Variants in LMBR1 observed in about 807,000 individuals in gnomAD.
LMBR1 encodes limb development membrane protein 1, also known as limb region 1 protein homolog.
A neutral mutation model predicts 73.9 loss-of-function variants in LMBR1; 52 were observed. The observed-to-expected ratio is 0.70, with a 90% CI of 0.56 to 0.89. The LOEUF is 0.89. Ranked by LOEUF, LMBR1 falls within the 40% of genes least tolerant of loss-of-function variation. The probability of loss-of-function intolerance (pLI) is 0.00; values close to 1 mark genes in which losing one functional copy is unlikely to be tolerated. For synonymous variants in LMBR1, 215 were observed against 209.4 expected (o/e 1.03, Z -0.23); for missense variants, 539 against 579.8 (o/e 0.93, Z 0.72).
intron 10 of LMBR1, among the ~76,000 whole-genome samples, chr7:156,729,490 T>C (rs960267018): frequency 7.9e-5 from 12 of 150,978 alleles, no homozygotes; most frequent in African/African-American, 2.7e-4. Context: ...TTTTTTTTTT[T>C]TGAGATGGAG....
At chr7:156,791,739 T>C (rs1829267603) in intron 5 of LMBR1, among the ~76,000 whole-genome samples, 1 of 152,220 alleles carries the variant, frequency 6.6e-6, no homozygotes, top group Non-Finnish European at 1.5e-5. Flanking sequence ...GTTATAGGAG[T>C]TAACCTCTTA....
chr7:156,763,068 C>T (rs372761711), intron 7 of LMBR1, 40 bp downstream of exon 7: 9 of 1,027,570 alleles, frequency 8.8e-6, no homozygotes, highest in Non-Finnish European at 1.3e-5. Context: ...ATAAGGACAA[C>T]TCTACTTTTC....
intron 4 of LMBR1, among the ~76,000 whole-genome samples, chr7:156,802,584 T>A (rs113961889): frequency 0.032 from 4,845 of 152,216 alleles, 125 homozygotes; most frequent in South Asian, 0.085. Flanking sequence ...CATATACAAA[T>A]ATAAGAAATA....
At chr7:156,675,940 G>A, downstream of LMBR1, 5 of 1,430,432 alleles carry the variant, frequency 3.5e-6, no homozygotes, top group Non-Finnish European at 4.8e-6. Flanking sequence ...CATGTGGGGG[G>A]AGGTCGAGGA....
intron 5 of LMBR1, among the ~76,000 whole-genome samples, chr7:156,770,985 G>GA (rs769374503): frequency 6.6e-6 from 1 of 151,578 alleles, no homozygotes; most frequent in South Asian, 2.1e-4. Flanking sequence ...AAAAAAGTAG[G>GA]AAAAAATAAA....
At chr7:156,689,746 C>T (rs1013773813) in intron 15 of LMBR1, among the ~76,000 whole-genome samples, 36 of 152,182 alleles carry the variant, frequency 2.4e-4, no homozygotes, top group African/African-American at 8.4e-4. Context: ...ATATGTCACA[C>T]ATGGTTATGA....
At chr7:156,864,162 T>TA (rs1798124177) in intron 1 of LMBR1, among the ~76,000 whole-genome samples, 1 of 121,428 alleles carries the variant, frequency 8.2e-6, no homozygotes, top group African/African-American at 2.6e-5. Flanking sequence ...ACAAAAAAAA[T>TA]AAAAAATAAA....
At position 156,822,076 on chromosome 7, in the gene LMBR1, C is replaced by T. The variant is rs1403533572; in HGVS notation, c.319+4529G>A. 3.3e-5 allele frequency among the ~76,000 whole-genome samples: 5 copies of T among 152,274 alleles called. No individual in the cohort carries two copies. In the South Asian group the frequency reaches 6.2e-4, roughly 19 times the overall value. On this transcript the variant is annotated intron_variant, in intron 4 of 16. Coordinates refer to ENST00000353442, the MANE Select transcript of LMBR1 (RefSeq NM_022458.4). ...GTCCCATATTGCACAAAATACATGC[C>T]TTTGCTTACGAAAACCTTCATAAAA...
intron 8 of LMBR1, among the ~76,000 whole-genome samples, chr7:156,761,142 A>G (rs1264514017): frequency 6.6e-6 from 1 of 152,252 alleles, no homozygotes; most frequent in Non-Finnish European, 1.5e-5. Context: ...CTAGAGTGAC[A>G]GTAAACACAG....
chr7:156,729,975 T>C (rs905815504), intron 10 of LMBR1, among the ~76,000 whole-genome samples: 1 of 152,226 alleles, frequency 6.6e-6, no homozygotes, highest in Non-Finnish European at 1.5e-5. Context: ...TGAAGTAAAC[T>C]GAGCTAAGAC....
intron 5 of LMBR1, among the ~76,000 whole-genome samples, chr7:156,786,469 T>G (rs1011415398): frequency 6.6e-6 from 1 of 152,184 alleles, no homozygotes; most frequent in African/African-American, 2.4e-5. Context: ...GAAAATAACT[T>G]AGATTTTCTC....
chr7:156,891,619 A>AT (rs1402909656), intron 1 of LMBR1, among the ~76,000 whole-genome samples: 3 of 152,014 alleles, frequency 2.0e-5, no homozygotes, highest in African/African-American at 4.8e-5. Flanking sequence ...TTATTTATTT[A>AT]TTTTTTTATA....
At chr7:156,825,824 G>A (rs754764287) in intron 4 of LMBR1, among the ~76,000 whole-genome samples, 3 of 152,138 alleles carry the variant, frequency 2.0e-5, no homozygotes, top group Middle Eastern at 3.2e-3. Flanking sequence ...TAAGACAACA[G>A]GAAGCCGCGG....
In LMBR1 at chr7:156,724,262, T is replaced by C. The variant is rs10949601; in HGVS notation, c.1159-84A>G. ...CCAGTAACATTCTGAGAAATGATTG[T>C]GCATTCTAGTTACCTAGTGTACTTT... On this transcript the variant is annotated intron_variant, in intron 14 of 16. Coordinates refer to ENST00000353442, the MANE Select transcript of LMBR1 (RefSeq NM_022458.4). 42,459 of 1,009,320 alleles carry C rather than the reference T, an allele frequency of 0.042. 1,095 individuals are homozygous for C. The highest frequency in any genetic ancestry group is 0.055 in the Admixed American group (2,741 of 49,542). The allele number at this position is 1,009,320 out of a possible 1,614,324, so 62.5% of individuals were successfully genotyped here.
chr7:156,768,725 T>A (rs182654284), intron 5 of LMBR1, among the ~76,000 whole-genome samples: 285 of 152,284 alleles, frequency 1.9e-3, no homozygotes, highest in African/African-American at 6.5e-3. Context: ...AGAGACCATT[T>A]TTATTTGGCT....
chr7:156,676,008 G>T, downstream of LMBR1: 1 of 891,644 alleles, frequency 1.1e-6, no homozygotes, highest in Admixed American at 2.6e-5. Context: ...AGGCTGTGGG[G>T]GTGGCATGTC....
At position 156,770,095 on chromosome 7, in the gene LMBR1, C is replaced by T. The variant is rs183840187; in HGVS notation, c.424-6300G>A. On this transcript the variant is annotated intron_variant, in intron 5 of 16. Coordinates refer to ENST00000353442, the MANE Select transcript of LMBR1 (RefSeq NM_022458.4). ...TAATAACAAGGTTGACTTAATAAAC[C>T]TAAAGTAATCCCTTATAGGGAATAT... Among the ~76,000 whole-genome samples, 357 of 152,224 alleles carry T rather than the reference C, an allele frequency of 2.3e-3. 2 individuals carry two copies. In the Middle Eastern group the frequency reaches 0.027, roughly 12 times the overall value.
At chr7:156,819,796 A>G (rs1472035307) in intron 4 of LMBR1, among the ~76,000 whole-genome samples, 1 of 152,080 alleles carries the variant, frequency 6.6e-6, no homozygotes, top group Non-Finnish European at 1.5e-5. Flanking sequence ...CAGAGGCCCA[A>G]CTCAGAGCGG....
rs150636398 is a variant in LMBR1, at chr7:156,712,870, G to C, written c.1225+11242C>G. Reference sequence around the variant, plus strand: ...AAGACTGAAAAAGGCAACAGGGCAGGGGGGAGGCTGGACGATGAGAAATTA... The same window carrying C: ...AAGACTGAAAAAGGCAACAGGGCAGCGGGGAGGCTGGACGATGAGAAATTA... On this transcript the variant is annotated intron_variant, in intron 15 of 16. Coordinates refer to ENST00000353442, the MANE Select transcript of LMBR1 (RefSeq NM_022458.4). Among the ~76,000 whole-genome samples the C allele has an allele frequency of 2.6e-3, 403 of 152,282 alleles. 2 individuals are homozygous for C. Among genetic ancestry groups the C allele is most frequent in the African/African-American group, 9.3e-3 (386 of 41,554 alleles).
Sources: gnomAD v4.1 joint callset for allele counts (sites outside exome capture counted in the v4.1 genomes callset) on GRCh38, gnomAD v4.1.1 for gene constraint, MANE v1.5 for transcripts, NCBI Gene and HGNC (gene_info 2026-07-23, HGNC 2026-07-21) for gene names.